SBF2: variants seen among roughly 807,000 people sequenced by gnomAD.
SBF2 encodes the protein myotubularin-related protein 13.
SBF2 carries 112 observed loss-of-function variants against 225.2 expected under a neutral mutation model. The ratio of observed to expected loss-of-function variants is 0.50; its 90% CI spans 0.43 to 0.58. SBF2 has a LOEUF of 0.58. Among genes scored for constraint, SBF2 ranks in the 20% least tolerant of loss-of-function variants. SBF2 has a pLI of 0.00. For missense variants in SBF2, 1,996 were observed against 2,206.2 expected, an observed-to-expected ratio of 0.90 and a Z score of 1.91; for synonymous variants, 763 against 773.3, an observed-to-expected ratio of 0.99 and a Z score of 0.22.
At chr11:9,883,384 C>A (rs938617674) in intron 17 of SBF2, among the ~76,000 whole-genome samples, 8 of 152,046 alleles carry the variant, frequency 5.3e-5, no homozygotes, top group African/African-American at 1.9e-4. Context: ...CAGGACATAG[C>A]AGAGGACTGC....
At chr11:10,196,194 T>C (rs1347533095) in intron 1 of SBF2, among the ~76,000 whole-genome samples, 1 of 152,242 alleles carries the variant, frequency 6.6e-6, no homozygotes, top group African/African-American at 2.4e-5. Context: ...GCATATAGTC[T>C]ATACTGAGTA....
At chr11:10,149,261 T>C (rs535120634) in intron 2 of SBF2, 81 of 152,382 alleles carry the variant, frequency 5.3e-4, no homozygotes, top group Middle Eastern at 3.4e-3. Context: ...ATTATATCAA[T>C]GTGTAGCCAC....
chr11:9,804,320 T>C (rs568628133), intron 32 of SBF2, among the ~76,000 whole-genome samples: 1 of 152,302 alleles, frequency 6.6e-6, no homozygotes, highest in South Asian at 2.1e-4. Context: ...TACAAGTACT[T>C]TCTGGGCCCC....
rs180739057 is a variant in SBF2 at position 9,806,145 on chromosome 11, A to C, written c.4443+1855T>G. ...TAGAGGGCAATAGTTACATACAAAT[A>C]AACATACTTTAGTGCTATAGATGTT... On this transcript the variant is annotated intron_variant, in intron 32 of 39. Coordinates refer to ENST00000256190, the MANE Select transcript of SBF2 (RefSeq NM_030962.4). Among the ~76,000 whole-genome samples, 51 of 152,370 alleles carry C rather than the reference A, an allele frequency of 3.3e-4. No homozygotes were observed. In the East Asian group the frequency reaches 9.8e-3, roughly 29 times the overall value.
At chr11:9,807,837 TCCA>T in intron 32 of SBF2, 160 bp downstream of exon 32, 1 of 710,416 alleles carries the variant, frequency 1.4e-6, no homozygotes, top group Admixed American at 2.4e-5. Flanking sequence ...TTTTTTCTTT[TCCA>T]TTCCTAGGAG....
chr11:10,271,778 G>C (rs1380597340), intron 1 of SBF2, among the ~76,000 whole-genome samples: 1 of 111,616 alleles, frequency 9.0e-6, no homozygotes, highest in Non-Finnish European at 2.1e-5. Context: ...GTGCATTTTG[G>C]TATGTTTGGT....
At position 9,842,774 on chromosome 11, in the gene SBF2, C is replaced by T. The variant is rs1856253734; in HGVS notation, c.3111-4G>A. 1 of 1,613,878 alleles carries T rather than the reference C, an allele frequency of 6.2e-7. No individual in the cohort carries two copies. Among genetic ancestry groups the T allele is most frequent in the Non-Finnish European group, 8.5e-7 (1 of 1,179,928 alleles). Reference sequence around the variant, plus strand: ...CACAATTGTTTTTGAGAAGGTACTACAAGTCATAAAACCAAAGAGAATGTC... The same window carrying T: ...CACAATTGTTTTTGAGAAGGTACTATAAGTCATAAAACCAAAGAGAATGTC... On this transcript the variant is annotated splice_polypyrimidine_tract_variant and splice_region_variant and intron_variant, in intron 24 of 39. Coordinates refer to ENST00000256190, the MANE Select transcript of SBF2 (RefSeq NM_030962.4).
At chr11:9,959,128 C>A (rs1037254901) in intron 16 of SBF2, 19 of 1,037,332 alleles carry the variant, frequency 1.8e-5, no homozygotes, top group Non-Finnish European at 2.9e-5. Context: ...TTCACATACA[C>A]GATGTAAGAT....
chr11:9,992,573 T>C (rs552027393), intron 11 of SBF2, 30 bp from the exon 12 acceptor site: 81 of 1,604,656 alleles, frequency 5.0e-5, no homozygotes, highest in Non-Finnish European at 6.6e-5. Flanking sequence ...GAAATAATAA[T>C]TTATCACTTG....
chr11:10,072,714 G>C (rs1440057146), intron 2 of SBF2, among the ~76,000 whole-genome samples: 1 of 148,900 alleles, frequency 6.7e-6, no homozygotes, highest in Non-Finnish European at 1.5e-5. Context: ...AAAAAATCCA[G>C]TGGAATCTTT....
chr11:10,190,150 TAAA>T (rs58088340), intron 2 of SBF2, among the ~76,000 whole-genome samples: 72 of 146,594 alleles, frequency 4.9e-4, no homozygotes, highest in Non-Finnish European at 6.5e-4. Flanking sequence ...AAACTCCGTC[TAAA>T]AAAAAAAAAA....
chr11:9,805,007 G>A (rs1034671072), intron 32 of SBF2, among the ~76,000 whole-genome samples: 3 of 152,130 alleles, frequency 2.0e-5, no homozygotes, highest in East Asian at 1.9e-4. Context: ...TACTTTGGAA[G>A]GCCAAGGCAG....
upstream of SBF2, among the ~76,000 whole-genome samples, chr11:10,295,010 C>T (rs1964446786): frequency 6.6e-6 from 1 of 152,250 alleles, no homozygotes; most frequent in South Asian, 2.1e-4. Context: ...ATCAAAGTCG[C>T]TTGCTTTTTT....
chr11:9,803,478 C>A lies in SBF2; in HGVS notation c.4443+4522G>T, dbSNP rs181407276. Among the ~76,000 whole-genome samples, 36 of 152,146 alleles carry A rather than the reference C, an allele frequency of 2.4e-4. 1 individual carries two copies. The highest frequency in any genetic ancestry group is 1.0e-4 in the Non-Finnish European group (7 of 68,010). ...CTAGACCTCTCCCACTCCTCCCCCC[C>A]AGCCCCATCCCCAATAATAAAATAG... On this transcript the variant is annotated intron_variant, in intron 32 of 39. Transcript: ENST00000256190.
chr11:9,820,768 T>C (rs1854704347), intron 28 of SBF2, among the ~76,000 whole-genome samples: 1 of 152,202 alleles, frequency 6.6e-6, no homozygotes, highest in Admixed American at 6.5e-5. Flanking sequence ...CTCTACAAGA[T>C]TGTGTGTGTG....
At chr11:10,098,720 C>CAT (rs144970897) in intron 2 of SBF2, among the ~76,000 whole-genome samples, 1,489 of 140,346 alleles carry the variant, frequency 0.011, 25 homozygotes, top group Admixed American at 0.017. Context: ...CACACACACA[C>CAT]GAAATTCTGG....
chr11:10,113,753 T>G (rs1952991693), intron 2 of SBF2, among the ~76,000 whole-genome samples: 2 of 151,556 alleles, frequency 1.3e-5, no homozygotes, highest in Admixed American at 6.6e-5. Flanking sequence ...TTGGGAAAAT[T>G]CACAAATAAA....
At chr11:9,784,559 C>G (rs562884601) in intron 37 of SBF2, 121 bp from the exon 38 acceptor site, 16 of 781,018 alleles carry the variant, frequency 2.0e-5, no homozygotes, top group Non-Finnish European at 3.5e-5. Flanking sequence ...CAAAAATGGC[C>G]TATAAGAGTT....
chr11:9,875,512 T>G (rs558583375), intron 17 of SBF2, among the ~76,000 whole-genome samples: 2 of 152,298 alleles, frequency 1.3e-5, no homozygotes, highest in Non-Finnish European at 2.9e-5. Flanking sequence ...TTTACCTAAT[T>G]GTCCATAACC....
Sources: allele counts gnomAD v4.1 joint callset (sites outside exome capture counted in the v4.1 genomes callset), GRCh38; gene constraint gnomAD v4.1.1; transcripts MANE v1.5; gene names NCBI Gene and HGNC (gene_info 2026-07-23, HGNC 2026-07-21).